The following OSBPL2 variants were observed in gnomAD, a reference collection of about 807,000 sequenced individuals.
OSBPL2 encodes the protein oxysterol binding protein like 2.
OSBPL2 carries 18 observed loss-of-function variants against 58.4 expected under a neutral mutation model. The ratio of observed to expected loss-of-function variants is 0.31; its 90% CI spans 0.21 to 0.46. The LOEUF (loss-of-function observed/expected upper bound fraction) is 0.46, where lower values mean the gene tolerates loss of function less well. Among genes scored for constraint, OSBPL2 ranks in the 20% least tolerant of loss-of-function variants. The pLI is 1.00. For missense variants in OSBPL2, 461 were observed against 616.5 expected, an observed-to-expected ratio of 0.75 and a Z score of 2.67; for synonymous variants, 221 against 234.1, an observed-to-expected ratio of 0.94 and a Z score of 0.51.
chr20:62,267,301 G>C (rs1406492668), intron 4 of OSBPL2, among the ~76,000 whole-genome samples: 4 of 152,204 alleles, frequency 2.6e-5, no homozygotes, highest in Non-Finnish European at 5.9e-5. Flanking sequence ...CTCACTGGGA[G>C]TTGCTAGTTG....
At chr20:62,284,388 T>TC (rs1241708032) in intron 10 of OSBPL2, 25 of 502,088 alleles carry the variant, frequency 5.0e-5, no homozygotes, top group Non-Finnish European at 8.5e-5. Flanking sequence ...TTTTTTTTTT[T>TC]CCCCTCCAGG....
At chr20:62,290,480 G>A (rs1983431571) in intron 12 of OSBPL2, among the ~76,000 whole-genome samples, 1 of 139,932 alleles carries the variant, frequency 7.1e-6, no homozygotes, top group South Asian at 2.3e-4. Context: ...GCAGTGGTGC[G>A]ATCTCGGTTC....
chr20:62,280,069 C>T (rs948771810), intron 7 of OSBPL2: 9 of 1,304,210 alleles, frequency 6.9e-6, no homozygotes, highest in Middle Eastern at 2.1e-4. Context: ...GCCGCTAAGA[C>T]CCGACAGACA....
intron 7 of OSBPL2, chr20:62,280,202 A>C (rs963269258): frequency 6.2e-6 from 6 of 970,614 alleles, no homozygotes; most frequent in Non-Finnish European, 8.4e-6. Flanking sequence ...TAAGTAATAA[A>C]CGACACCTTG....
At chr20:62,281,618 C>T (rs190079657) in intron 8 of OSBPL2, 172 bp from the exon 9 acceptor site, 41 of 562,026 alleles carry the variant, frequency 7.3e-5, no homozygotes, top group African/African-American at 6.4e-4. Context: ...ATCATGGAGC[C>T]GTCCCCACAG....
intron 1 of OSBPL2, among the ~76,000 whole-genome samples, chr20:62,247,268 T>C (rs1484476166): frequency 6.6e-6 from 1 of 152,222 alleles, no homozygotes; most frequent in East Asian, 1.9e-4. Context: ...AGCTTGCCTC[T>C]TGGCTTAGGC....
At chr20:62,260,979 C>T (rs1033538743) in intron 3 of OSBPL2, among the ~76,000 whole-genome samples, 3 of 150,660 alleles carry the variant, frequency 2.0e-5, no homozygotes, top group Non-Finnish European at 4.4e-5. Context: ...AACAGAGCAA[C>T]ACCCTGGCTC....
chr20:62,250,094 C>G (rs906198802), intron 1 of OSBPL2, among the ~76,000 whole-genome samples: 5 of 152,250 alleles, frequency 3.3e-5, no homozygotes, highest in African/African-American at 1.2e-4. Flanking sequence ...CTGGGAGCAC[C>G]TTCGTGACCG....
At chr20:62,293,180 A>G (rs1349023311) in intron 13 of OSBPL2, among the ~76,000 whole-genome samples, 1 of 112,198 alleles carries the variant, frequency 8.9e-6, no homozygotes, top group African/African-American at 2.8e-5. Flanking sequence ...TGTTTTTTTA[A>G]AGTGTTAAAA....
intron 7 of OSBPL2, 132 bp downstream of exon 7, chr20:62,279,471 C>A: frequency 1.2e-6 from 1 of 862,798 alleles, no homozygotes; most frequent in Non-Finnish European, 1.8e-6. Flanking sequence ...CTCCCCACAG[C>A]AGAAACGTCT....
chr20:62,282,571 T>C (rs1982861859), intron 9 of OSBPL2, among the ~76,000 whole-genome samples: 1 of 152,224 alleles, frequency 6.6e-6, no homozygotes, highest in Non-Finnish European at 1.5e-5. Context: ...CAGTGGCTCA[T>C]GCCTGTAATC....
chr20:62,259,596 G>A (rs548083216), intron 2 of OSBPL2, among the ~76,000 whole-genome samples: 6 of 152,210 alleles, frequency 3.9e-5, no homozygotes, highest in African/African-American at 1.2e-4. Context: ...GAGCCACAAC[G>A]GGCGCATCGC....
At chr20:62,273,992 A>G (rs1459417327) in intron 6 of OSBPL2, among the ~76,000 whole-genome samples, 1 of 152,130 alleles carries the variant, frequency 6.6e-6, no homozygotes, top group Non-Finnish European at 1.5e-5. Flanking sequence ...ACTTTCTTCT[A>G]GGCAGCGTTG....
At chr20:62,274,814 A>G (rs949269562) in intron 6 of OSBPL2, among the ~76,000 whole-genome samples, 15 of 152,242 alleles carry the variant, frequency 9.9e-5, no homozygotes, top group Admixed American at 3.3e-4. Flanking sequence ...CTCCCTGCCC[A>G]GGAACAGAGT....
rs939940697 is a variant in OSBPL2 at position 62,269,515 on chromosome 20, G to A, written c.259-2610G>A. On this transcript the variant is annotated intron_variant, in intron 4 of 13. Transcript: ENST00000313733. The surrounding 1 kb of genome is among the most constrained non-coding windows in gnomAD (Gnocchi z 4.2). ...CTGGGTGGGAGTTGCACACAGTTGC[G>A]ATACCATCTCTCCTCTCCTGAGCAA... 2.0e-5 allele frequency among the ~76,000 whole-genome samples: 3 copies of A among 152,140 alleles called. No homozygotes were observed. The highest frequency in any genetic ancestry group is 4.8e-5 in the African/African-American group (2 of 41,430).
chr20:62,291,421 C>T, intron 12 of OSBPL2: 1 of 436,178 alleles, frequency 2.3e-6, no homozygotes, highest in South Asian at 2.0e-5. Flanking sequence ...GCCTGTCCTT[C>T]AGACTCCTGC....
At chr20:62,267,883 T>TTTTA (rs111911119) in intron 4 of OSBPL2, among the ~76,000 whole-genome samples, 127,325 of 151,244 alleles carry the variant, frequency 0.84, 54,488 homozygotes, top group East Asian at 0.99. Flanking sequence ...CTGCATTATT[T>TTTTA]TTTATTTATT....
At chr20:62,266,389 AAC>A (rs1981658038) in intron 4 of OSBPL2, among the ~76,000 whole-genome samples, 1 of 152,234 alleles carries the variant, frequency 6.6e-6, no homozygotes, top group South Asian at 2.1e-4. Flanking sequence ...GTATTGAAAA[AAC>A]ACAAGCACAC....
intron 11 of OSBPL2, 89 bp from the exon 12 acceptor site, chr20:62,289,118 G>A (rs183986523): frequency 3.4e-4 from 497 of 1,467,318 alleles, no homozygotes; most frequent in Non-Finnish European, 3.8e-4. Flanking sequence ...TAGCACCTGC[G>A]GGATTTCAGG....
Sources: allele counts gnomAD v4.1 joint callset (sites outside exome capture counted in the v4.1 genomes callset), GRCh38; gene constraint gnomAD v4.1.1; non-coding constraint Gnocchi (gnomAD v3.1); transcripts MANE v1.5; gene names NCBI Gene and HGNC (gene_info 2026-07-23, HGNC 2026-07-21).